Variants in NCK2 observed in about 807,000 individuals in gnomAD.
NCK2 encodes cytoplasmic protein NCK2.
In NCK2, 16 loss-of-function variants were observed where a neutral mutation model predicts 33.9. That is an observed-to-expected ratio of 0.47 (90% CI 0.32 to 0.72). The LOEUF is 0.72. Ranked by LOEUF, NCK2 falls within the 30% of genes least tolerant of loss-of-function variation. NCK2 has a pLI of 0.03. For synonymous variants in NCK2, 273 were observed against 239.9 expected (o/e 1.14, Z -1.27); for missense variants, 418 against 537.3 (o/e 0.78, Z 2.19).
At chr2:105,867,607 C>T (rs574199191) in intron 3 of NCK2, among the ~76,000 whole-genome samples, 29 of 152,256 alleles carry the variant, frequency 1.9e-4, no homozygotes, top group East Asian at 5.8e-4. Context: ...AGGTGGGGTC[C>T]GTACCCTTGG....
At chr2:105,867,227 G>A (rs1373941178) in intron 3 of NCK2, among the ~76,000 whole-genome samples, 1 of 152,132 alleles carries the variant, frequency 6.6e-6, no homozygotes, top group African/African-American at 2.4e-5. Context: ...AGGACTCTGT[G>A]GGTTTTCAGA....
intron 1 of NCK2, among the ~76,000 whole-genome samples, chr2:105,795,926 T>C (rs1374470195): frequency 6.6e-6 from 1 of 152,232 alleles, no homozygotes; most frequent in Non-Finnish European, 1.5e-5. Flanking sequence ...TAGGAAAACA[T>C]GAATCATTTA....
At chr2:105,794,622 A>C (rs1038118526) in intron 1 of NCK2, among the ~76,000 whole-genome samples, 3 of 152,148 alleles carry the variant, frequency 2.0e-5, no homozygotes, top group Non-Finnish European at 4.4e-5. Context: ...TTAAGCCACC[A>C]ACTCAATTTA....
chr2:105,888,986 G>A (rs1678844988), intron 4 of NCK2, among the ~76,000 whole-genome samples: 1 of 152,240 alleles, frequency 6.6e-6, no homozygotes, highest in South Asian at 2.1e-4. Flanking sequence ...TCTAGTACTT[G>A]TTGAGGAGCA....
intron 1 of NCK2, among the ~76,000 whole-genome samples, chr2:105,772,577 T>C (rs1690170176): frequency 6.6e-6 from 1 of 152,112 alleles, no homozygotes; most frequent in Non-Finnish European, 1.5e-5. Context: ...GGGTTAAACA[T>C]TGAGCCAGTA....
chr2:105,859,341 C>T (rs1677423352), intron 3 of NCK2, among the ~76,000 whole-genome samples: 1 of 152,198 alleles, frequency 6.6e-6, no homozygotes, highest in South Asian at 2.1e-4. Context: ...ATCATATCCT[C>T]AGGAGGGTTT....
At chr2:105,769,311 A>G (rs529717949) in intron 1 of NCK2, among the ~76,000 whole-genome samples, 2 of 88,886 alleles carry the variant, frequency 2.3e-5, no homozygotes, top group East Asian at 6.7e-4. Flanking sequence ...GCTGCGCCCT[A>G]TTTAAAGCCC....
chr2:105,797,223 C>T lies in NCK2; in HGVS notation c.-200-19207C>T, dbSNP rs534990686. ...CAAATTCAGGATCTTAGAAAGGACA[C>T]CCCTATTTCAGCTCCTATACTAGTG... On this transcript the variant is annotated intron_variant, in intron 1 of 4. Coordinates refer to ENST00000233154, the MANE Select transcript of NCK2 (RefSeq NM_003581.5). Among the ~76,000 whole-genome samples, 14 of 152,288 alleles carry T rather than the reference C, an allele frequency of 9.2e-5. No homozygotes were observed. The South Asian group carries it at 2.9e-3, about 32-fold the overall frequency.
intron 2 of NCK2, among the ~76,000 whole-genome samples, chr2:105,850,834 T>C (rs868198287): frequency 2.0e-5 from 3 of 152,238 alleles, no homozygotes; most frequent in Non-Finnish European, 4.4e-5. Flanking sequence ...TTTGTATGTC[T>C]AATTTTATTG....
At chr2:105,748,619 CT>C (rs1422219639) in intron 1 of NCK2, among the ~76,000 whole-genome samples, 24 of 151,966 alleles carry the variant, frequency 1.6e-4, no homozygotes, top group Non-Finnish European at 2.8e-4. Context: ...GGTCTTGCTG[CT>C]TTGCCAAGGC....
intron 3 of NCK2, 135 bp from the exon 4 acceptor site, chr2:105,881,193 C>A (rs13003975): frequency 0.24 from 295,571 of 1,234,722 alleles, 37,488 homozygotes; most frequent in East Asian, 0.33. Flanking sequence ...ATGGTAATTA[C>A]AGTTTGTAAG....
At chr2:105,766,713 T>A (rs145488943) in intron 1 of NCK2, among the ~76,000 whole-genome samples, 1 of 152,338 alleles carries the variant, frequency 6.6e-6, no homozygotes, top group East Asian at 1.9e-4. Context: ...GGGCGGGGTC[T>A]GCAGGTGAAC....
intron 3 of NCK2, among the ~76,000 whole-genome samples, chr2:105,881,089 A>G (rs1449031476): frequency 2.6e-5 from 4 of 151,996 alleles, no homozygotes; most frequent in African/African-American, 9.7e-5. Context: ...TGGCCCTGTG[A>G]CATGTTTTTA....
chr2:105,861,668 C>T (rs916058596), intron 3 of NCK2, among the ~76,000 whole-genome samples: 1 of 152,036 alleles, frequency 6.6e-6, no homozygotes, highest in Non-Finnish European at 1.5e-5. Context: ...GTGTGTATCA[C>T]CACACCCAGC....
intron 3 of NCK2, among the ~76,000 whole-genome samples, chr2:105,872,406 G>C (rs773798742): frequency 1.3e-5 from 2 of 152,098 alleles, no homozygotes; most frequent in Non-Finnish European, 2.9e-5. Context: ...TCCTTGCCAC[G>C]GGTACTTCCT....
At chr2:105,771,418 T>C (rs1690132438) in intron 1 of NCK2, among the ~76,000 whole-genome samples, 1 of 151,650 alleles carries the variant, frequency 6.6e-6, no homozygotes, top group Non-Finnish European at 1.5e-5. Context: ...AATATAAAAA[T>C]TAGCTGGGTG....
At chr2:105,870,448 G>A (rs887057036) in intron 3 of NCK2, among the ~76,000 whole-genome samples, 3 of 152,144 alleles carry the variant, frequency 2.0e-5, no homozygotes, top group African/African-American at 7.2e-5. Flanking sequence ...TATGGGGTAT[G>A]CATGCCTAGA....
intron 3 of NCK2, among the ~76,000 whole-genome samples, chr2:105,865,197 T>G (rs760886745): frequency 9.2e-5 from 14 of 152,174 alleles, no homozygotes; most frequent in Non-Finnish European, 2.1e-4. Flanking sequence ...AAATGGGCCG[T>G]GATAATTATT....
intron 1 of NCK2, among the ~76,000 whole-genome samples, chr2:105,764,603 A>G (rs12052297): frequency 0.34 from 51,230 of 152,058 alleles, 9,753 homozygotes; most frequent in East Asian, 0.46. Context: ...TGCAAACCAA[A>G]CACACAGCTG....
Sources: allele counts gnomAD v4.1 joint callset (sites outside exome capture counted in the v4.1 genomes callset), GRCh38; gene constraint gnomAD v4.1.1; transcripts MANE v1.5; gene names NCBI Gene and HGNC (gene_info 2026-07-23, HGNC 2026-07-21).